Variants in SPAG17 observed in about 807,000 individuals in gnomAD.
SPAG17 encodes the protein sperm associated antigen 17.
Under a neutral mutation model 273.6 loss-of-function variants are expected in SPAG17, and 169 were observed. That is an observed-to-expected ratio of 0.62 (90% CI 0.55 to 0.70). SPAG17 has a LOEUF of 0.70. SPAG17 is among the 30% of genes least tolerant of loss of function. The pLI, the probability that SPAG17 is intolerant of heterozygous loss-of-function variation, is 0.00. For synonymous variants in SPAG17, 825 were observed against 873.2 expected, an observed-to-expected ratio of 0.94 and a Z score of 0.97; for missense variants, 2,557 against 2,627.8, an observed-to-expected ratio of 0.97 and a Z score of 0.59.
intron 3 of SPAG17, among the ~76,000 whole-genome samples, chr1:118,125,382 A>G (rs1297290113): frequency 6.6e-6 from 1 of 152,106 alleles, no homozygotes; most frequent in Non-Finnish European, 1.5e-5. Context: ...TTGTGTTAGG[A>G]ACAATTCAAA....
chr1:118,047,367 TAAG>T (rs1650477719), intron 20 of SPAG17, among the ~76,000 whole-genome samples: 4 of 152,160 alleles, frequency 2.6e-5, no homozygotes, highest in Admixed American at 2.0e-4. Context: ...AGCTTGGAAT[TAAG>T]AAGACCAGGC....
At chr1:118,003,110 T>G (rs1327840154) in intron 32 of SPAG17, among the ~76,000 whole-genome samples, 1 of 152,216 alleles carries the variant, frequency 6.6e-6, no homozygotes, top group African/African-American at 2.4e-5. Context: ...GATATGAAAT[T>G]TGGGGTTGAA....
intron 37 of SPAG17, 41 bp from the exon 38 acceptor site, chr1:117,990,947 T>C (rs1001881156): frequency 4.3e-6 from 5 of 1,174,854 alleles, no homozygotes; most frequent in Non-Finnish European, 6.0e-6. Context: ...TTATATTACT[T>C]ACAAGACTTA....
intron 24 of SPAG17, 155 bp downstream of exon 24, chr1:118,036,601 GACACACACACACAC>G (rs35746934): frequency 4.4e-6 from 2 of 457,288 alleles, no homozygotes; most frequent in East Asian, 7.3e-5. Flanking sequence ...CACATATATA[GACACACACACACAC>G]ACACACACAC....
intron 4 of SPAG17, among the ~76,000 whole-genome samples, chr1:118,113,028 C>T (rs1290080860): frequency 2.0e-5 from 3 of 151,886 alleles, no homozygotes; most frequent in Non-Finnish European, 2.9e-5. Context: ...CTTATTTTTG[C>T]CCTCACTTTC....
intron 1 of SPAG17, among the ~76,000 whole-genome samples, chr1:118,184,735 C>T (rs912095395): frequency 2.0e-5 from 3 of 152,096 alleles, no homozygotes; most frequent in Non-Finnish European, 4.4e-5. Context: ...CAGGAGAAAA[C>T]AAAAAGTCCA....
intron 1 of SPAG17, among the ~76,000 whole-genome samples, chr1:118,168,113 C>T (rs536811546): frequency 6.6e-6 from 1 of 152,042 alleles, no homozygotes; most frequent in African/African-American, 2.4e-5. Flanking sequence ...TTATCCAGTC[C>T]CTGGTATTTC....
chr1:118,003,711 C>T (rs531635266), intron 32 of SPAG17, among the ~76,000 whole-genome samples: 6 of 152,264 alleles, frequency 3.9e-5, no homozygotes, highest in Non-Finnish European at 7.4e-5. Flanking sequence ...CTTAGCCATT[C>T]GTCTAAGCTT....
rs539030235 is a variant in SPAG17, at chr1:118,031,692, C to T, written c.3609G>A (p.Lys1203=). The T allele has an allele frequency of 1.2e-6, 2 of 1,612,220 alleles. No individual in the cohort carries two copies. Among genetic ancestry groups the T allele is most frequent in the African/African-American group, 2.7e-5 (2 of 74,724 alleles). Residue 1203 remains lysine (K), a splice_region_variant and synonymous_variant, in exon 25 of 49, where the codon AAG becomes AAA. Coordinates refer to ENST00000336338, the MANE Select transcript of SPAG17 (RefSeq NM_206996.4). ...GGAATCTATGGCAAGGTTCATTTACCTTTTTCTCTTCTTCTTTTGGGTGTT... is the reference window on the plus strand; with the variant it reads ...GGAATCTATGGCAAGGTTCATTTACTTTTTTCTCTTCTTCTTTTGGGTGTT... ...EEEHPKEEEK[K]EEEVEPEPVL...
At chr1:118,140,234 T>A (rs940679659) in intron 3 of SPAG17, among the ~76,000 whole-genome samples, 1 of 152,204 alleles carries the variant, frequency 6.6e-6, no homozygotes, top group Non-Finnish European at 1.5e-5. Flanking sequence ...AGTCAAAAGG[T>A]AGAAAATCTC....
chr1:118,174,718 G>T (rs1202870861), intron 1 of SPAG17, among the ~76,000 whole-genome samples: 1 of 152,170 alleles, frequency 6.6e-6, no homozygotes, highest in African/African-American at 2.4e-5. Context: ...GGCAGCAAGG[G>T]AAAAGTGACC....
chr1:118,175,128 T>A (rs997784509), intron 1 of SPAG17, among the ~76,000 whole-genome samples: 1 of 152,126 alleles, frequency 6.6e-6, no homozygotes, highest in Non-Finnish European at 1.5e-5. Flanking sequence ...CCTCCCAGAT[T>A]CAAGCAATTC....
At chr1:118,173,857 C>CT (rs1553259184) in intron 1 of SPAG17, among the ~76,000 whole-genome samples, 1 of 62,860 alleles carries the variant, frequency 1.6e-5, no homozygotes, top group Non-Finnish European at 3.1e-5. Flanking sequence ...GAGACCCTGT[C>CT]TAAAAAAAAA....
At chr1:118,069,956 A>G (rs910662126) in intron 17 of SPAG17, among the ~76,000 whole-genome samples, 2 of 152,228 alleles carry the variant, frequency 1.3e-5, no homozygotes, top group Non-Finnish European at 2.9e-5. Context: ...CAAGACAAAG[A>G]TTATTGATTA....
At chr1:118,034,709 C>T (rs905412978) in intron 24 of SPAG17, among the ~76,000 whole-genome samples, 2 of 152,110 alleles carry the variant, frequency 1.3e-5, no homozygotes, top group African/African-American at 4.8e-5. Flanking sequence ...CTGAAAGGCA[C>T]AGAAATAATA....
In SPAG17 at chr1:117,996,457, G is replaced by T. The variant is rs371789370; in HGVS notation, c.4966C>A (p.Arg1656=). The change falls in exon 34 of 49, where the codon CGA becomes AGA. Residue 1656 remains arginine (R), a synonymous_variant. Transcript: ENST00000336338. ...YADGSGMELL[R]DSDIEEYLSL... is the part of the protein sequence containing the mutation. ...AGATATTCTTCTATGTCACTGTCTC[G>T]AAGAAGTTCCATTCCTGATCCATCA... 1 of 1,612,910 alleles carries T rather than the reference G, an allele frequency of 6.2e-7. No homozygotes were observed. Among genetic ancestry groups the T allele is most frequent in the Non-Finnish European group, 8.5e-7 (1 of 1,179,328 alleles).
intron 43 of SPAG17, among the ~76,000 whole-genome samples, chr1:117,979,982 CTTAT>C (rs1346470407): frequency 2.6e-5 from 4 of 152,230 alleles, no homozygotes; most frequent in Admixed American, 2.0e-4. Flanking sequence ...ATTTATCTGA[CTTAT>C]TTATTTGTTT....
intron 18 of SPAG17, among the ~76,000 whole-genome samples, chr1:118,056,491 G>A (rs2102005183): frequency 6.6e-6 from 1 of 152,274 alleles, no homozygotes; most frequent in East Asian, 1.9e-4. Flanking sequence ...CTTACCAGCA[G>A]TCATATTTGT....
At chr1:118,158,452 TA>T (rs1433992152) in intron 1 of SPAG17, among the ~76,000 whole-genome samples, 3 of 152,284 alleles carry the variant, frequency 2.0e-5, no homozygotes, top group East Asian at 1.9e-4. Flanking sequence ...TTACTTGGCT[TA>T]AAAAATATGA....
Sources: gnomAD v4.1 joint callset for allele counts (sites outside exome capture counted in the v4.1 genomes callset) on GRCh38, gnomAD v4.1.1 for gene constraint, MANE v1.5 for transcripts, NCBI Gene and HGNC (gene_info 2026-07-23, HGNC 2026-07-21) for gene names.